HHAT: variants seen among roughly 807,000 people sequenced by gnomAD.
HHAT encodes the protein protein-cysteine N-palmitoyltransferase HHAT.
In HHAT, 47 loss-of-function variants were observed where a neutral mutation model predicts 70.8. The observed-to-expected ratio is 0.66, with a 90% CI of 0.53 to 0.85. The LOEUF is 0.85. Among genes scored for constraint, HHAT ranks in the 40% least tolerant of loss-of-function variants. The probability of loss-of-function intolerance (pLI) is 0.00; values close to 1 mark genes in which losing one functional copy is unlikely to be tolerated. For missense variants in HHAT, 609 were observed against 604.8 expected, an observed-to-expected ratio of 1.01 and a Z score of -0.07; for synonymous variants, 228 against 247.6, an observed-to-expected ratio of 0.92 and a Z score of 0.74.
intron 5 of HHAT, among the ~76,000 whole-genome samples, chr1:210,402,621 C>T (rs745604378): frequency 6.6e-6 from 1 of 152,154 alleles, no homozygotes; most frequent in Non-Finnish European, 1.5e-5. Flanking sequence ...AACAATAAAA[C>T]AGTAGCATGT....
At chr1:210,620,033 A>T (rs190188396) in intron 10 of HHAT, among the ~76,000 whole-genome samples, 153 of 151,720 alleles carry the variant, frequency 1.0e-3, no homozygotes, top group Non-Finnish European at 1.8e-3. Flanking sequence ...AGCCATGAGG[A>T]TGGTGACTTA....
chr1:210,482,682 G>A (rs372142843), intron 8 of HHAT, among the ~76,000 whole-genome samples: 8 of 152,088 alleles, frequency 5.3e-5, no homozygotes, highest in East Asian at 3.9e-4. Flanking sequence ...TTCACGTCAC[G>A]TTGCTGTACT....
chr1:210,498,706 G>A (rs2094695707), intron 8 of HHAT, among the ~76,000 whole-genome samples: 1 of 151,760 alleles, frequency 6.6e-6, no homozygotes, highest in Non-Finnish European at 1.5e-5. Flanking sequence ...TTGGCATAGT[G>A]GATTATGAAA....
intron 10 of HHAT, among the ~76,000 whole-genome samples, chr1:210,615,065 C>G (rs1667402809): frequency 1.3e-5 from 2 of 152,168 alleles, no homozygotes; most frequent in Admixed American, 1.3e-4. Flanking sequence ...ACATCCTGTC[C>G]AGCACCTATT....
intron 3 of HHAT, chr1:210,374,242 T>TG (rs760733257): frequency 6.7e-6 from 1 of 148,294 alleles, no homozygotes; most frequent in Non-Finnish European, 1.5e-5. Flanking sequence ...GCGAAAGATT[T>TG]ATTCGATCTG....
intron 9 of HHAT, among the ~76,000 whole-genome samples, chr1:210,541,043 G>C (rs923261176): frequency 6.6e-5 from 10 of 152,112 alleles, no homozygotes; most frequent in Non-Finnish European, 1.3e-4. Context: ...GTTTCACCCT[G>C]TTGCCCAGTC....
intron 8 of HHAT, among the ~76,000 whole-genome samples, chr1:210,495,236 T>C (rs1167445556): frequency 6.6e-6 from 1 of 150,978 alleles, no homozygotes; most frequent in Non-Finnish European, 1.5e-5. Context: ...ACATCTATAA[T>C]ATATAATACA....
At chr1:210,584,635 T>A (rs1033539754) in intron 9 of HHAT, among the ~76,000 whole-genome samples, 3 of 152,186 alleles carry the variant, frequency 2.0e-5, no homozygotes. Context: ...TTTGTGTCCT[T>A]GGCTCAGTGC....
At chr1:210,646,541 T>TATGAAAA (rs554578173) in intron 11 of HHAT, among the ~76,000 whole-genome samples, 16 of 152,082 alleles carry the variant, frequency 1.1e-4, no homozygotes, top group Non-Finnish European at 2.2e-4. Flanking sequence ...TTCTTGCTTT[T>TATGAAAA]ATGAAAATTA....
At chr1:210,601,841 T>C (rs543552058) in intron 10 of HHAT, among the ~76,000 whole-genome samples, 2 of 152,220 alleles carry the variant, frequency 1.3e-5, no homozygotes, top group East Asian at 3.9e-4. Flanking sequence ...ATTGACCTAG[T>C]CTTCCCAGGC....
At chr1:210,365,345 CT>C (rs1439808059) in intron 3 of HHAT, among the ~76,000 whole-genome samples, 6 of 97,808 alleles carry the variant, frequency 6.1e-5, no homozygotes, top group African/African-American at 2.5e-4. Flanking sequence ...GAGACGGAGT[CT>C]CCCTCTGTTG....
At chr1:210,577,607 C>CT (rs1658131728) in intron 9 of HHAT, among the ~76,000 whole-genome samples, 1 of 111,270 alleles carries the variant, frequency 9.0e-6, no homozygotes, top group South Asian at 3.1e-4. Flanking sequence ...GTTCTTGCAT[C>CT]TATGTGCATT....
At chr1:210,417,617 C>T (rs1268140075) in intron 6 of HHAT, among the ~76,000 whole-genome samples, 1 of 152,190 alleles carries the variant, frequency 6.6e-6, no homozygotes, top group Non-Finnish European at 1.5e-5. Context: ...CACATACTGT[C>T]TGCCATGTTT....
At chr1:210,370,610 ATTTT>A (rs10664778) in intron 3 of HHAT, among the ~76,000 whole-genome samples, 4 of 98,348 alleles carry the variant, frequency 4.1e-5, no homozygotes, top group African/African-American at 1.2e-4. Flanking sequence ...TGCAGATGCT[ATTTT>A]TTTTTTTTTT....
chr1:210,550,819 G>A (rs922679720), intron 9 of HHAT, among the ~76,000 whole-genome samples: 12 of 148,650 alleles, frequency 8.1e-5, no homozygotes, highest in African/African-American at 1.7e-4. Flanking sequence ...ATAGGCATAC[G>A]CTACCACCCC....
At chr1:210,478,158 G>T (rs943738749) in intron 8 of HHAT, among the ~76,000 whole-genome samples, 1 of 152,180 alleles carries the variant, frequency 6.6e-6, no homozygotes, top group Non-Finnish European at 1.5e-5. Flanking sequence ...CTCCTGAGTT[G>T]TGTGGTCACT....
chr1:210,587,847 A>G, intron 9 of HHAT, 51 bp from the exon 10 acceptor site: 2 of 1,358,154 alleles, frequency 1.5e-6, no homozygotes, highest in Middle Eastern at 1.8e-4. Context: ...GAGCAGATAG[A>G]GTTGCAGGGC....
At chr1:210,613,170 A>C (rs563681609) in intron 10 of HHAT, among the ~76,000 whole-genome samples, 1 of 152,138 alleles carries the variant, frequency 6.6e-6, no homozygotes, top group African/African-American at 2.4e-5. Flanking sequence ...TGTCATAGCC[A>C]AGAAATCATT....
intron 8 of HHAT, among the ~76,000 whole-genome samples, chr1:210,493,194 T>A (rs1226728000): frequency 6.6e-6 from 1 of 152,076 alleles, no homozygotes; most frequent in Admixed American, 6.6e-5. Context: ...CTTATGGTAG[T>A]CAAGATTTTC....
Sources: allele counts gnomAD v4.1 joint callset (sites outside exome capture counted in the v4.1 genomes callset), GRCh38; gene constraint gnomAD v4.1.1; transcripts MANE v1.5; gene names NCBI Gene and HGNC (gene_info 2026-07-23, HGNC 2026-07-21).